Variants in GRIP2 observed in about 807,000 individuals in gnomAD.
GRIP2 encodes the protein glutamate receptor interacting protein 2.
GRIP2 carries 58 observed loss-of-function variants against 108.3 expected under a neutral mutation model. The ratio of observed to expected loss-of-function variants is 0.54; its 90% CI spans 0.43 to 0.67. The LOEUF (loss-of-function observed/expected upper bound fraction) is 0.67, where lower values mean the gene tolerates loss of function less well. GRIP2 is among the 30% of genes least tolerant of loss of function. The pLI, the probability that GRIP2 is intolerant of heterozygous loss-of-function variation, is 0.00. For synonymous variants in GRIP2, 586 were observed against 598.2 expected (o/e 0.98, Z 0.30); for missense variants, 1,278 against 1,430.6 (o/e 0.89, Z 1.72).
chr3:14,514,624 A>G lies in GRIP2; in HGVS notation c.1307-146T>C, dbSNP rs140657436. On this transcript the variant is annotated intron_variant, in intron 11 of 23. Transcript: ENST00000621039. ...CTCAGTCTGGGACCAGACAGATCAC[A>G]GCTCACTCTGAGCCTTGGCTTCCTC... 1,903 of 756,166 alleles carry G rather than the reference A, an allele frequency of 2.5e-3. 5 individuals carry two copies. The highest frequency in any genetic ancestry group is 3.1e-3 in the Non-Finnish European group (1,488 of 487,428). 46.8% of individuals were successfully genotyped at this position (756,166 alleles called of 1,614,324 possible).
At chr3:14,540,445 C>CAGCGGGCGGCTCTCTGCTTAA, upstream of GRIP2, 1 of 1,567,958 alleles carries the variant, frequency 6.4e-7, no homozygotes. This position sits in a 1 kb window ranked among gnomAD's most constrained non-coding sequence, Gnocchi z 4.1. Context: ...CCACCCACTG[C>CAGCGGGCGGCTCTCTGCTTAA]AGCGGGCGGC....
chr3:14,509,998 C>A, intron 16 of GRIP2, 34 bp from the exon 17 acceptor site: 1 of 1,400,390 alleles, frequency 7.1e-7, no homozygotes, highest in Non-Finnish European at 9.4e-7. Context: ...GAGGAGGCCC[C>A]CGAGGGGGTA....
At chr3:14,546,673 C>T (rs1179318367), upstream of GRIP2, among the ~76,000 whole-genome samples, 2 of 152,146 alleles carry the variant, frequency 1.3e-5, no homozygotes, top group Non-Finnish European at 2.9e-5. Context: ...AGGCACAGGG[C>T]GTGGAGGGCA....
chr3:14,513,061 C>T (rs566459310), intron 13 of GRIP2, among the ~76,000 whole-genome samples: 93 of 152,292 alleles, frequency 6.1e-4, no homozygotes, highest in South Asian at 2.3e-3. Flanking sequence ...CTGCTCTAGT[C>T]AGACCAGAGT....
intron 10 of GRIP2, 25 bp from the exon 11 acceptor site, chr3:14,517,238 G>A (rs780126604): frequency 2.4e-5 from 36 of 1,508,302 alleles, no homozygotes; most frequent in Non-Finnish European, 2.8e-5. Flanking sequence ...GCACAGCCCC[G>A]TGAACCCCAG....
the GRIP2 span, among the ~76,000 whole-genome samples, chr3:14,569,759 C>T: frequency 6.6e-6 from 1 of 152,160 alleles, no homozygotes; most frequent in Non-Finnish European, 1.5e-5. Flanking sequence ...TATGCGTTTT[C>T]CTCCAGAGCC....
At position 14,514,459 on chromosome 3, in the gene GRIP2, C is replaced by A. The variant is rs757079479; in HGVS notation, c.1326G>T (p.Thr442=). 1.1e-5 allele frequency: 18 copies of A among 1,575,598 alleles called. No individual in the cohort carries two copies. The highest frequency in any genetic ancestry group is 1.5e-5 in the Non-Finnish European group (18 of 1,162,078). Residue 442 remains threonine, a synonymous_variant, in exon 12 of 24, where the codon ACG becomes ACT. Coordinates refer to ENST00000621039, the MANE Select transcript of GRIP2 (RefSeq NM_001080423.4). ...GCACAATCTGCCCGCCCGGCCCCAC[C>A]GTGCTGGAGGCTAGCGACACTGTAG... The part of the protein sequence containing the change: ...HKSSLSLASS[T]VGPGGQIVHT...
intron 1 of GRIP2, among the ~76,000 whole-genome samples, chr3:14,549,947 C>T (rs759177514): frequency 5.3e-5 from 8 of 152,292 alleles, no homozygotes; most frequent in Non-Finnish European, 8.8e-5. Context: ...TGTGGACCCA[C>T]GGTGGACCCT....
At chr3:14,554,730 C>T (rs1695207443) in intron 1 of GRIP2, among the ~76,000 whole-genome samples, 1 of 151,918 alleles carries the variant, frequency 6.6e-6, no homozygotes, top group South Asian at 2.1e-4. Flanking sequence ...CAGTTACAAG[C>T]TCACTGGCTG....
upstream of GRIP2, among the ~76,000 whole-genome samples, chr3:14,542,637 A>G (rs1202787282): frequency 6.6e-6 from 1 of 152,170 alleles, no homozygotes; most frequent in East Asian, 1.9e-4. Context: ...CATGCCGTGG[A>G]TTATGGGAGA....
In GRIP2 at chr3:14,490,079, C is replaced by A. The variant is rs1300118933; in HGVS notation, c.*3586G>T. 1.3e-5 allele frequency: 2 copies of A among 152,244 alleles called. No homozygotes were observed. The highest frequency in any genetic ancestry group is 2.4e-5 in the African/African-American group (1 of 41,448). 9.4% of individuals were successfully genotyped at this position (152,244 alleles called of 1,614,324 possible). On this transcript the variant is annotated 3_prime_UTR_variant, in exon 24 of 24. Coordinates refer to ENST00000621039, the MANE Select transcript of GRIP2 (RefSeq NM_001080423.4). ...AATGTTAGAATAGAAGACCACCCTA[C>A]CCCCATTTTCTGGCTCTTTCTGACA...
the GRIP2 span, among the ~76,000 whole-genome samples, chr3:14,578,778 G>C: frequency 1.3e-5 from 2 of 150,146 alleles, no homozygotes; most frequent in African/African-American, 4.9e-5. Flanking sequence ...TGTCAGGTGA[G>C]TCAGCAGTGG....
intron 1 of GRIP2, among the ~76,000 whole-genome samples, chr3:14,555,502 G>T (rs1695223356): frequency 6.6e-6 from 1 of 152,174 alleles, no homozygotes; most frequent in Non-Finnish European, 1.5e-5. Flanking sequence ...GTGGGAGAGA[G>T]AAGGCAGAGC....
chr3:14,524,655 G>C, intron 3 of GRIP2, 117 bp from the exon 4 acceptor site: 1 of 1,164,924 alleles, frequency 8.6e-7, no homozygotes, highest in South Asian at 1.5e-5. Context: ...TTCACAAATG[G>C]GGAAGCTGAG....
chr3:14,590,123 A>G, the GRIP2 span, among the ~76,000 whole-genome samples: 1 of 152,094 alleles, frequency 6.6e-6, no homozygotes, highest in Non-Finnish European at 1.5e-5. Context: ...TTCCCATTAA[A>G]ATTGATATTG....
At chr3:14,495,068 T>A (rs1693549090) in intron 22 of GRIP2, 79 bp from the exon 23 acceptor site, 3 of 1,552,378 alleles carry the variant, frequency 1.9e-6, no homozygotes, top group East Asian at 2.3e-5. Context: ...GGTCCTTTGG[T>A]CTGGCATTCA....
exon 1 of GRIP2, chr3:14,556,049 C>A (rs1413636567): frequency 2.5e-6 from 1 of 398,460 alleles, no homozygotes; most frequent in Non-Finnish European, 4.4e-6. Flanking sequence ...GAGCTGCTTG[C>A]GCTAACTGGC....
At chr3:14,518,227 T>C (rs1694310792) in intron 9 of GRIP2, among the ~76,000 whole-genome samples, 1 of 152,158 alleles carries the variant, frequency 6.6e-6, no homozygotes, top group Non-Finnish European at 1.5e-5. Context: ...AGTGCTGCCA[T>C]GAAGTTTCTC....
At chr3:14,528,780 G>A (rs1278141681) in intron 1 of GRIP2, among the ~76,000 whole-genome samples, 1 of 152,170 alleles carries the variant, frequency 6.6e-6, no homozygotes, top group Non-Finnish European at 1.5e-5. Context: ...GACTAATGAG[G>A]TTGGGCACTT....
Sources: allele counts gnomAD v4.1 joint callset (sites outside exome capture counted in the v4.1 genomes callset), GRCh38; gene constraint gnomAD v4.1.1; non-coding constraint Gnocchi (gnomAD v3.1); transcripts MANE v1.5; gene names NCBI Gene and HGNC (gene_info 2026-07-23, HGNC 2026-07-21).